Variants in PIEZO1 observed in about 807,000 individuals in gnomAD.
PIEZO1 encodes the protein piezo type mechanosensitive ion channel component 1 (Er blood group).
A neutral mutation model predicts 297.2 loss-of-function variants in PIEZO1; 296 were observed. The observed-to-expected ratio is 1.00, with a 90% CI of 0.91 to 1.10. PIEZO1 has a LOEUF of 1.10. PIEZO1 is among the 50% of genes least tolerant of loss of function. PIEZO1 has a pLI of 0.00. For synonymous variants in PIEZO1, 2,427 were observed against 1,507.5 expected (o/e 1.61, Z -14.13); for missense variants, 5,018 against 3,455.5 (o/e 1.45, Z -11.34).
chr16:88,780,511 C>A (rs542526509), intron 1 of PIEZO1, among the ~76,000 whole-genome samples: 1 of 152,176 alleles, frequency 6.6e-6, no homozygotes, highest in African/African-American at 2.4e-5. Context: ...ACACAGGACC[C>A]ACACCCAGCA....
At chr16:88,746,363 TCTG>T (rs745451375) in intron 2 of PIEZO1, among the ~76,000 whole-genome samples, 24 of 152,086 alleles carry the variant, frequency 1.6e-4, no homozygotes, top group Non-Finnish European at 2.8e-4. Context: ...GGATGGGGCT[TCTG>T]AGTCCCTAAA....
Position 88,734,748 on chromosome 16 carries a change from C to T in PIEZO1, c.1899G>A (p.Val633=). 6.5e-7 allele frequency: 1 copy of T among 1,550,324 alleles called. No individual in the cohort carries two copies. The highest frequency in any genetic ancestry group is 8.7e-7 in the Non-Finnish European group (1 of 1,146,934). The change falls in exon 15 of 51, where the codon GTG becomes GTA. Residue 633 remains valine, a synonymous_variant. Transcript: ENST00000301015. The part of the protein sequence containing the change: ...RKLLKAFWWL[V]VAYTMLVLIA... ...TGAGGACCAGCATGGTGTAGGCCACCACGAGCCACCAGAAGGCCTTGAGCA... is the reference window on the plus strand; with the variant it reads ...TGAGGACCAGCATGGTGTAGGCCACTACGAGCCACCAGAAGGCCTTGAGCA...
rs533790387 is a variant in PIEZO1 at position 88,727,641 on chromosome 16, G to C, written c.3217C>G (p.Arg1073Gly). ...AGTGCGGAGTTCATGGGGACGGCCC[G>C]GCTCCAGCGCCAGGGATAATCTGGG... The part of the protein sequence containing the change: ...LCIDYPWRWS[R>G]AVPMNSALIK... The change falls in exon 23 of 51, where the codon CGG (arginine) becomes GGG (glycine). Residue 1073 changes from arginine to glycine, a missense_variant. Coordinates refer to ENST00000301015, the MANE Select transcript of PIEZO1 (RefSeq NM_001142864.4). 1 of 1,491,712 alleles carries C rather than the reference G, an allele frequency of 6.7e-7. No individual in the cohort carries two copies. Among genetic ancestry groups the C allele is most frequent in the South Asian group, 1.3e-5 (1 of 77,612 alleles). The allele number at this position is 1,491,712 out of a possible 1,614,324, so 92.4% of individuals were successfully genotyped here. A position where few individuals can be genotyped will look rare whatever the true frequency, so the allele number is the denominator to read the frequency against.
chr16:88,743,006 A>T, intron 2 of PIEZO1: 1 of 454,286 alleles, frequency 2.2e-6, no homozygotes, highest in South Asian at 1.6e-5. Context: ...CCACCCTGGC[A>T]TTTCAGGCAC....
At position 88,721,233 on chromosome 16, in the gene PIEZO1, C is replaced by G; in HGVS notation, c.5601G>C (p.Arg1867Ser). 1.3e-6 allele frequency: 2 copies of G among 1,540,430 alleles called. No homozygotes were observed. The highest frequency in any genetic ancestry group is 8.7e-7 in the Non-Finnish European group (1 of 1,145,854). ...TTCTTCTAAAACGTAGACTGATGCGCCTCGTATCACGGGGCCTGAGCTCCA... is the reference window on the plus strand; with the variant it reads ...TTCTTCTAAAACGTAGACTGATGCGGCTCGTATCACGGGGCCTGAGCTCCA... The part of the protein sequence containing the change: ...PQVELRPRDT[R>S]RISLRFRRRK... The change falls in exon 39 of 51, where the codon AGG becomes AGC. Residue 1867 changes from arginine (R) to serine (S), a missense_variant. Physicochemically the swap from Arg to Ser is moderately radical, Grantham distance 110. Coordinates refer to ENST00000301015, the MANE Select transcript of PIEZO1 (RefSeq NM_001142864.4).
Position 88,716,030 on chromosome 16 carries a change from C to A in PIEZO1, c.7219G>T (p.Glu2407Ter), listed in dbSNP as rs200291894. The change falls in exon 50 of 51, where the codon GAG becomes TAG. Residue 2407 changes from glutamate to a stop codon, truncating the protein, a stop_gained. Transcript: ENST00000301015. LOFTEE classifies it high-confidence loss of function. ...ATGFLEWWVIELQECRTDCNL... is the reference protein window; with the variant it reads ...ATGFLEWWVI ...CAGTCGGTCCGGCACTCCTGCAGCT[C>A]GATGACCCACCATTCGAGGAAGCCG... The A allele has an allele frequency of 1.3e-6, 2 of 1,550,102 alleles. No individual in the cohort carries two copies. The highest frequency in any genetic ancestry group is 1.7e-6 in the Non-Finnish European group (2 of 1,146,928).
At chr16:88,736,026 C>T (rs952288564) in intron 12 of PIEZO1, 122 bp downstream of exon 12, 36 of 996,704 alleles carry the variant, frequency 3.6e-5, no homozygotes, top group Non-Finnish European at 4.6e-5. Flanking sequence ...CAGAAGGGGA[C>T]AGACAGACAC....
At chr16:88,742,898 G>A (rs971752160) in intron 2 of PIEZO1, 2 of 372,038 alleles carry the variant, frequency 5.4e-6, no homozygotes, top group Non-Finnish European at 1.1e-5. Context: ...TGGCTCTGGA[G>A]AAAAGTGGGG....
chr16:88,766,157 C>G (rs146564310), intron 1 of PIEZO1, among the ~76,000 whole-genome samples: 1 of 152,188 alleles, frequency 6.6e-6, no homozygotes, highest in African/African-American at 2.4e-5. Context: ...TTTAGTCAAA[C>G]GCCAATCGCA....
intron 2 of PIEZO1, among the ~76,000 whole-genome samples, chr16:88,747,268 CT>C (rs1389878075): frequency 6.6e-6 from 1 of 151,034 alleles, no homozygotes; most frequent in Non-Finnish European, 1.5e-5. Context: ...TAGCTCATGC[CT>C]GTAGTCTCGG....
chr16:88,726,200 G>A, intron 27 of PIEZO1, 84 bp downstream of exon 27: 1 of 1,206,386 alleles, frequency 8.3e-7, no homozygotes, highest in Non-Finnish European at 1.1e-6. Context: ...CCACGGGCCG[G>A]GGCCTGAGAC....
chr16:88,740,178 T>G (rs1430058873), intron 5 of PIEZO1: 1 of 152,256 alleles, frequency 6.6e-6, no homozygotes, highest in Non-Finnish European at 1.5e-5. Context: ...CGTGTGTGTG[T>G]TGCCCATATG....
intron 1 of PIEZO1, among the ~76,000 whole-genome samples, chr16:88,770,172 C>CGGTCTG (rs1355792336): frequency 6.6e-6 from 1 of 152,166 alleles, no homozygotes; most frequent in African/African-American, 2.4e-5. Flanking sequence ...TCCCAAGCCT[C>CGGTCTG]GGTCTGTCGG....
chr16:88,778,944 A>G (rs1460063169), intron 1 of PIEZO1, among the ~76,000 whole-genome samples: 1 of 152,068 alleles, frequency 6.6e-6, no homozygotes, highest in Admixed American at 6.6e-5. Context: ...GGTGGGGTGC[A>G]TGGCGCGTTC....
At chr16:88,738,128 A>G (rs1415955989) in intron 7 of PIEZO1, 23 bp from the exon 8 acceptor site, 2 of 1,535,676 alleles carry the variant, frequency 1.3e-6, no homozygotes. Flanking sequence ...GACCCGTCAC[A>G]GCCTACCACC....
In PIEZO1 at chr16:88,719,851, T is replaced by G; in HGVS notation, c.6274A>C (p.Asn2092His). ...TGATTGTACTTCTTGGTGAGGAAGT[T>G]GCCGAGGATGCGGGTGGGGTAGCCG... The part of the protein sequence containing the change: ...RCGYPTRILG[N>H]FLTKKYNHLN... The change falls in exon 43 of 51, where the codon AAC becomes CAC. Residue 2092 changes from asparagine to histidine, a missense_variant. Physicochemically the swap from Asn to His is moderately conservative, Grantham distance 68 (BLOSUM62 1). Coordinates refer to ENST00000301015, the MANE Select transcript of PIEZO1 (RefSeq NM_001142864.4). 2 of 1,550,522 alleles carry G rather than the reference T, an allele frequency of 1.3e-6. No homozygotes were observed. The highest frequency in any genetic ancestry group is 1.7e-6 in the Non-Finnish European group (2 of 1,146,950).
chr16:88,777,838 GC>G (rs1907736295), intron 1 of PIEZO1, among the ~76,000 whole-genome samples: 2 of 152,158 alleles, frequency 1.3e-5, no homozygotes, highest in Admixed American at 1.3e-4. Context: ...AGGGCAGGCA[GC>G]CCCAAACCCA....
At chr16:88,741,999 G>C (rs1905708961) in intron 4 of PIEZO1, 54 bp downstream of exon 4, 2 of 1,519,306 alleles carry the variant, frequency 1.3e-6, no homozygotes, top group East Asian at 4.9e-5. Flanking sequence ...ACTTCCTGGG[G>C]CCTGAAATCC....
intron 4 of PIEZO1, 87 bp downstream of exon 4, chr16:88,741,966 C>T: frequency 1.4e-6 from 2 of 1,422,924 alleles, no homozygotes; most frequent in Non-Finnish European, 1.9e-6. Context: ...CCAGGTCCCC[C>T]TCTGTCCCTC....
Sources: gnomAD v4.1 joint callset for allele counts (sites outside exome capture counted in the v4.1 genomes callset) on GRCh38, gnomAD v4.1.1 for gene constraint, MANE v1.5 for transcripts, NCBI Gene and HGNC (gene_info 2026-07-23, HGNC 2026-07-21) for gene names.